Variants in MRC1 observed in about 807,000 individuals in gnomAD.
MRC1 encodes the protein mannose receptor C-type 1.
Under a neutral mutation model 102.9 loss-of-function variants are expected in MRC1, and 62 were observed. The observed-to-expected ratio is 0.60, with a 90% CI of 0.49 to 0.74. The LOEUF (loss-of-function observed/expected upper bound fraction) is 0.74. Among genes scored for constraint, MRC1 ranks in the 30% least tolerant of loss-of-function variants. The pLI, the probability that MRC1 is intolerant of heterozygous loss-of-function variation, is 0.00. For synonymous variants in MRC1, 457 were observed against 298.4 expected, an observed-to-expected ratio of 1.53 and a Z score of -5.48; for missense variants, 1,237 against 862.8, an observed-to-expected ratio of 1.43 and a Z score of -5.43.
intron 1 of MRC1, among the ~76,000 whole-genome samples, chr10:17,819,453 ATGTGTGTGTGTGTGTGTGTG>A (rs59778334): frequency 9.6e-5 from 14 of 145,780 alleles, no homozygotes; most frequent in Admixed American, 4.1e-4. Flanking sequence ...TCAGAGTTGT[ATGTGTGTGTGTGTGTGTGTG>A]TGTGTGTGTG....
At position 17,818,481 on chromosome 10, in the gene MRC1, G is replaced by C. The variant is rs4084706; in HGVS notation, c.62-4593G>C. 5.9e-3 allele frequency among the ~76,000 whole-genome samples: 899 copies of C among 152,222 alleles called. 12 individuals are homozygous for C. Among genetic ancestry groups the C allele is most frequent in the African/African-American group, 0.02 (849 of 41,536 alleles). On this transcript the variant is annotated intron_variant, in intron 1 of 29. Coordinates refer to ENST00000569591, the MANE Select transcript of MRC1 (RefSeq NM_002438.4). The stretch of plus-strand genomic sequence containing the variant: ...TATGGATATTATATGGTAAATAAAA[G>C]AATAAAATGAGTTAGGATGATCAGC...
chr10:17,901,311 T>C (rs1833825360), intron 25 of MRC1, among the ~76,000 whole-genome samples: 1 of 152,212 alleles, frequency 6.6e-6, no homozygotes, highest in South Asian at 2.1e-4. Flanking sequence ...GAAAGGGTTG[T>C]AGGAATTAGG....
chr10:17,867,529 C>T lies in MRC1; in HGVS notation c.1983+768C>T, dbSNP rs893748674. On this transcript the variant is annotated intron_variant, in intron 12 of 29. Coordinates refer to ENST00000569591, the MANE Select transcript of MRC1 (RefSeq NM_002438.4). Reference sequence around the variant, plus strand: ...CCTCAAACATCTGGGCTCAAGTGCTCCTCCCACCTAAGCCTCCCAAGTAGC... The same window carrying T: ...CCTCAAACATCTGGGCTCAAGTGCTTCTCCCACCTAAGCCTCCCAAGTAGC... Among the ~76,000 whole-genome samples the T allele has an allele frequency of 6.6e-5, 10 of 151,980 alleles. No individual in the cohort carries two copies. The East Asian group carries it at 9.7e-4, about 15-fold the overall frequency.
chr10:17,879,933 G>A, intron 19 of MRC1, 112 bp downstream of exon 19: 2 of 763,482 alleles, frequency 2.6e-6, no homozygotes, highest in Non-Finnish European at 4.9e-6. Flanking sequence ...TAAGAAGAGA[G>A]AATAAAGGAG....
chr10:17,823,105 T>C lies in MRC1; in HGVS notation c.93T>C (p.Asp31=), dbSNP rs1838419705. 1 of 780,888 alleles carries C rather than the reference T, an allele frequency of 1.3e-6. No homozygotes were observed. Among genetic ancestry groups the C allele is most frequent in the South Asian group, 1.3e-5 (1 of 74,616 alleles). The allele number at this position is 780,888 out of a possible 1,614,324, so 48.4% of individuals were successfully genotyped here. ...GGCAATTTTTAATCTATAATGAAGA[T>C]CACAAGCGCTGCGTGGATGCAGTGA... ...DTRQFLIYNE[D]HKRCVDAVSP... The change falls in exon 2 of 30, where the codon GAT becomes GAC. Residue 31 remains aspartate, a synonymous_variant. Coordinates refer to ENST00000569591, the MANE Select transcript of MRC1 (RefSeq NM_002438.4).
rs932841464 is a variant in MRC1 at position 17,866,772 on chromosome 10, G to C, written c.1983+11G>C. 1 of 780,684 alleles carries C rather than the reference G, an allele frequency of 1.3e-6. No individual in the cohort carries two copies. The highest frequency in any genetic ancestry group is 2.4e-6 in the Non-Finnish European group (1 of 417,942). The allele number at this position is 780,684 out of a possible 1,614,324, so 48.4% of individuals were successfully genotyped here. A position where few individuals can be genotyped will look rare whatever the true frequency, so the allele number is the denominator to read the frequency against. ...AGCTTGTGTTTCAAGGTGAGTATCA[G>C]TTATAAAGCTGGTAAGAGAATCTGG... On this transcript the variant is annotated intron_variant, in intron 12 of 29. Transcript: ENST00000569591.
At chr10:17,858,493 A>G (rs1408792540) in intron 9 of MRC1, among the ~76,000 whole-genome samples, 13 of 151,666 alleles carry the variant, frequency 8.6e-5, no homozygotes, top group African/African-American at 3.2e-4. Context: ...CCCTGGTGTG[A>G]TTCTTTTTTT....
chr10:17,880,207 A>G (rs1469897387), intron 19 of MRC1, among the ~76,000 whole-genome samples: 11 of 152,220 alleles, frequency 7.2e-5, no homozygotes, highest in African/African-American at 2.7e-4. Flanking sequence ...CATCTAAAAT[A>G]CTATGTAGAT....
At chr10:17,848,466 CT>C (rs1405505422) in intron 6 of MRC1, among the ~76,000 whole-genome samples, 1 of 152,124 alleles carries the variant, frequency 6.6e-6, no homozygotes, top group African/African-American at 2.4e-5. Flanking sequence ...TTTCCCCTAG[CT>C]CATTACTATT....
In MRC1 at chr10:17,825,141, C is replaced by T. The variant is rs1031465606; in HGVS notation, c.463+1666C>T. On this transcript the variant is annotated intron_variant, in intron 2 of 29. Transcript: ENST00000569591. ...CAGTTCTAGCTCTGCAGAGTGACCACGAGATTGGGAACACACATTAGAACT... is the reference window on the plus strand; with the variant it reads ...CAGTTCTAGCTCTGCAGAGTGACCATGAGATTGGGAACACACATTAGAACT... Among the ~76,000 whole-genome samples the T allele has an allele frequency of 2.6e-5, 4 of 152,126 alleles. No individual in the cohort carries two copies. The South Asian group carries it at 6.2e-4, about 24-fold the overall frequency.
intron 2 of MRC1, among the ~76,000 whole-genome samples, 170 bp from the exon 3 acceptor site, chr10:17,827,372 C>CAAAAAAAAAAAAAAAAAAAAAAAAAAAAA (rs782616938): frequency 1.6e-5 from 1 of 64,052 alleles, no homozygotes; most frequent in Admixed American, 2.0e-4. Flanking sequence ...AAAAAATACC[C>CAAAAAAAAAAAAAAAAAAAAAAAAAAAAA]AAAAAAAAAA....
At chr10:17,867,579 G>A (rs1554841611) in intron 12 of MRC1, among the ~76,000 whole-genome samples, 1 of 151,866 alleles carries the variant, frequency 6.6e-6, no homozygotes, top group African/African-American at 2.4e-5. Context: ...ACCATGCCTA[G>A]CTAATTTTTA....
intron 5 of MRC1, among the ~76,000 whole-genome samples, chr10:17,842,969 A>G: frequency 6.6e-6 from 1 of 152,240 alleles, no homozygotes; most frequent in Non-Finnish European, 1.5e-5. Context: ...GGAAATTAAA[A>G]ATCGGTTTCA....
chr10:17,820,726 C>T (rs1318633447), intron 1 of MRC1, among the ~76,000 whole-genome samples: 1 of 152,062 alleles, frequency 6.6e-6, no homozygotes, highest in African/African-American at 2.4e-5. Flanking sequence ...AAACAAATTA[C>T]ATTAAATTTA....
intron 1 of MRC1, among the ~76,000 whole-genome samples, chr10:17,812,228 G>C (rs1838234505): frequency 6.6e-6 from 1 of 152,112 alleles, no homozygotes; most frequent in Non-Finnish European, 1.5e-5. Flanking sequence ...CTTTCCTACT[G>C]TTGTTCTTGC....
chr10:17,811,556 G>T (rs1838222974), intron 1 of MRC1, among the ~76,000 whole-genome samples: 2 of 151,804 alleles, frequency 1.3e-5, no homozygotes, highest in African/African-American at 4.8e-5. Context: ...GTGAAAGCCT[G>T]TAATTTGTGT....
intron 8 of MRC1, among the ~76,000 whole-genome samples, chr10:17,854,264 A>G (rs1356629072): frequency 6.6e-6 from 1 of 152,136 alleles, no homozygotes; most frequent in Admixed American, 6.5e-5. Context: ...GGATATGAGT[A>G]TTAAATAATG....
intron 10 of MRC1, 28 bp downstream of exon 10, chr10:17,861,530 A>G (rs1191256414): frequency 1.2e-6 from 1 of 848,436 alleles, no homozygotes; most frequent in Non-Finnish European, 2.1e-6. Flanking sequence ...TTTCATTTTA[A>G]AATATGTCAA....
rs1838939695 is a variant in MRC1 at position 17,853,024 on chromosome 10, A to G, written c.1307A>G (p.Glu436Gly). 1.0e-5 allele frequency: 8 copies of G among 780,784 alleles called. No homozygotes were observed. Among genetic ancestry groups the G allele is most frequent in the Non-Finnish European group, 1.7e-5 (7 of 417,944 alleles). 48.4% of individuals were successfully genotyped at this position (780,784 alleles called of 1,614,324 possible). A position where few individuals can be genotyped will look rare whatever the true frequency, so the allele number is the denominator to read the frequency against. The part of the protein sequence containing the change: ...LNDIKIQMYF[E>G]WSDGTPVTFT... ...GACATTAAGATTCAAATGTACTTTG[A>G]GTGGAGTGATGGGACCCCTGTAACG... The change falls in exon 8 of 30, where the codon GAG becomes GGG. Residue 436 changes from glutamate to glycine, a missense_variant. Physicochemically the swap from Glu to Gly is moderately conservative, Grantham distance 98 (BLOSUM62 -2). Transcript: ENST00000569591.
Sources: allele counts gnomAD v4.1 joint callset (sites outside exome capture counted in the v4.1 genomes callset), GRCh38; gene constraint gnomAD v4.1.1; transcripts MANE v1.5; gene names NCBI Gene and HGNC (gene_info 2026-07-23, HGNC 2026-07-21).